Variants in CD58 observed in about 807,000 individuals in gnomAD.
The protein encoded by CD58 is CD58 molecule.
Under a neutral mutation model 27.6 loss-of-function variants are expected in CD58, and 14 were observed. That is an observed-to-expected ratio of 0.51 (90% CI 0.34 to 0.79). CD58 has a LOEUF of 0.79. Ranked by LOEUF, CD58 falls within the 30% of genes least tolerant of loss-of-function variation. The pLI is 0.02. For missense variants in CD58, 268 were observed against 301.7 expected (o/e 0.89, Z 0.83); for synonymous variants, 117 against 103.8 (o/e 1.13, Z -0.77).
chr1:116,540,944 G>C (rs1296140504), intron 2 of CD58, among the ~76,000 whole-genome samples: 1 of 151,988 alleles, frequency 6.6e-6, no homozygotes, highest in Non-Finnish European at 1.5e-5. Flanking sequence ...TGAGTAGCTG[G>C]GACTACAGGC....
Position 116,527,270 on chromosome 1 carries a change from C to T in CD58, c.629-5287G>A, listed in dbSNP as rs1395054712. ...CTTATTCTTGGTCTTAGTTGGAAAG[C>T]TTCAAGTTTCTCACCATTACAGATG... On this transcript the variant is annotated intron_variant, in intron 3 of 5. Transcript: ENST00000369489. This position sits in a 1 kb window ranked among gnomAD's most constrained non-coding sequence, Gnocchi z 4.4. 1.3e-5 allele frequency among the ~76,000 whole-genome samples: 2 copies of T among 152,146 alleles called. No individual in the cohort carries two copies. The highest frequency in any genetic ancestry group is 2.9e-5 in the Non-Finnish European group (2 of 68,016).
chr1:116,558,210 GA>G (rs1658644620), intron 1 of CD58, among the ~76,000 whole-genome samples: 2 of 150,972 alleles, frequency 1.3e-5, no homozygotes, highest in Admixed American at 6.6e-5. Context: ...TTCAGTACCT[GA>G]ATATATGAAT....
chr1:116,533,412 T>C, intron 3 of CD58: 1 of 804,572 alleles, frequency 1.2e-6, no homozygotes, highest in East Asian at 2.5e-5. Flanking sequence ...TGATTTCATC[T>C]TGCAGGTTTT....
chr1:116,555,577 A>AAAT (rs2101211807), intron 1 of CD58, among the ~76,000 whole-genome samples: 1 of 152,380 alleles, frequency 6.6e-6, no homozygotes, highest in Non-Finnish European at 1.5e-5. Context: ...TTTTTTAAAT[A>AAAT]AAGATATGAG....
At chr1:116,565,059 C>T (rs552689885) in intron 1 of CD58, among the ~76,000 whole-genome samples, 1 of 152,310 alleles carries the variant, frequency 6.6e-6, no homozygotes, top group East Asian at 1.9e-4. Flanking sequence ...CCAGTGATTC[C>T]TTTCCTGCAT....
chr1:116,544,183 A>T, intron 2 of CD58, 128 bp downstream of exon 2: 1 of 653,332 alleles, frequency 1.5e-6, no homozygotes, highest in Non-Finnish European at 2.6e-6. Context: ...CCAGAAAAGG[A>T]GAAAACCCTG....
rs1011536296 is a variant in CD58 at position 116,534,633 on chromosome 1, A to G, written c.628+1332T>C. On this transcript the variant is annotated intron_variant, in intron 3 of 5. Transcript: ENST00000369489. The surrounding 1 kb of genome is among the most constrained non-coding windows in gnomAD (Gnocchi z 5.3). ...CTGGGAGGGGCCGCTCCAGGCCCCA[A>G]GCCCCAGGCCCGCCGCGGCGGCGCT... 1.1e-4 allele frequency among the ~76,000 whole-genome samples: 16 copies of G among 152,188 alleles called. No individual in the cohort carries two copies. The highest frequency in any genetic ancestry group is 1.5e-4 in the Non-Finnish European group (10 of 68,006).
rs899218402 is a variant in CD58, at chr1:116,547,529, C to A, written c.71-2925G>T. ...TATTTTTAGTAAAGACGGGGTTTCA[C>A]CATGTTAGCCAGGATGGTCTCGATC... On this transcript the variant is annotated intron_variant, in intron 1 of 5. Transcript: ENST00000369489. Among the ~76,000 whole-genome samples, 101 of 151,912 alleles carry A rather than the reference C, an allele frequency of 6.6e-4. 1 individual carries two copies. Among genetic ancestry groups the A allele is most frequent in the Admixed American group, 1.1e-3 (17 of 15,252 alleles).
intron 1 of CD58, among the ~76,000 whole-genome samples, chr1:116,568,021 C>T (rs1658999792): frequency 7.6e-6 from 1 of 131,546 alleles, no homozygotes; most frequent in East Asian, 2.2e-4. Flanking sequence ...GCAACTAGCC[C>T]AGACACTTCA....
At chr1:116,551,735 TTTC>T (rs1658400614) in intron 1 of CD58, among the ~76,000 whole-genome samples, 1 of 148,884 alleles carries the variant, frequency 6.7e-6, no homozygotes, top group Non-Finnish European at 1.5e-5. Flanking sequence ...TTTTTCTTTC[TTTC>T]TTTTTTTTTT....
Position 116,563,481 on chromosome 1 carries a change from C to G in CD58, c.70+7422G>C, listed in dbSNP as rs1658825477. 6.6e-6 allele frequency among the ~76,000 whole-genome samples: 1 copy of G among 152,170 alleles called. No homozygotes were observed. Among genetic ancestry groups the G allele is most frequent in the African/African-American group, 2.4e-5 (1 of 41,452 alleles). Reference sequence around the variant, plus strand: ...CTCCACATTTCCCTTCCACACTGCCCTAGCAGAGGTTCTCCATGAGGGTCC... The same window carrying G: ...CTCCACATTTCCCTTCCACACTGCCGTAGCAGAGGTTCTCCATGAGGGTCC... On this transcript the variant is annotated intron_variant, in intron 1 of 5. Transcript: ENST00000369489. The surrounding 1 kb of genome is among the most constrained non-coding windows in gnomAD (Gnocchi z 4.1).
At position 116,527,880 on chromosome 1, in the gene CD58, A is replaced by T. The variant is rs1261522230; in HGVS notation, c.629-5897T>A. ...CAGGCTGAAGTGATCCTCCCACCTC[A>T]GTCTCCCAAGTAGCTAGGACTACAG... is the stretch of plus-strand genomic sequence containing the variant. On this transcript the variant is annotated intron_variant, in intron 3 of 5. Transcript: ENST00000369489. The surrounding 1 kb of genome is among the most constrained non-coding windows in gnomAD (Gnocchi z 4.4). Among the ~76,000 whole-genome samples the T allele has an allele frequency of 6.6e-6, 1 of 152,162 alleles. No individual in the cohort carries two copies. Among genetic ancestry groups the T allele is most frequent in the Non-Finnish European group, 1.5e-5 (1 of 68,028 alleles).
rs1658601227 is a variant in CD58, at chr1:116,557,454, C to T, written c.71-12850G>A. Among the ~76,000 whole-genome samples, 1 of 152,082 alleles carries T rather than the reference C, an allele frequency of 6.6e-6. No homozygotes were observed. Among genetic ancestry groups the T allele is most frequent in the Admixed American group, 6.6e-5 (1 of 15,260 alleles). ...CCACAGCTGTCCCTTTTGAGATGTT[C>T]CCTCTCAAGTTTAAGTAGATTTTAC... On this transcript the variant is annotated intron_variant, in intron 1 of 5. Coordinates refer to ENST00000369489, the MANE Select transcript of CD58 (RefSeq NM_001779.3). The surrounding 1 kb of genome is among the most constrained non-coding windows in gnomAD (Gnocchi z 5.2).
In CD58 at chr1:116,527,465, G is replaced by A. The variant is rs939478379; in HGVS notation, c.629-5482C>T. On this transcript the variant is annotated intron_variant, in intron 3 of 5. Coordinates refer to ENST00000369489, the MANE Select transcript of CD58 (RefSeq NM_001779.3). This position sits in a 1 kb window ranked among gnomAD's most constrained non-coding sequence, Gnocchi z 4.4. The stretch of plus-strand genomic sequence containing the variant: ...GATTTTTCTTTCATAGTCTGTCAAT[G>A]TGATGGATTACATTAATTGATTTTC... Among the ~76,000 whole-genome samples the A allele has an allele frequency of 6.6e-6, 1 of 152,182 alleles. No homozygotes were observed. Among genetic ancestry groups the A allele is most frequent in the African/African-American group, 2.4e-5 (1 of 41,446 alleles).
chr1:116,565,833 G>A (rs942014814), intron 1 of CD58, among the ~76,000 whole-genome samples: 5 of 151,264 alleles, frequency 3.3e-5, no homozygotes, highest in Non-Finnish European at 5.9e-5. Flanking sequence ...CCATTCTCCT[G>A]CCTCAGCCTC....
Position 116,560,020 on chromosome 1 carries a change from G to GT in CD58, c.70+10882dup, listed in dbSNP as rs1658705490. 3 of 153,976 alleles carry GT rather than the reference G, an allele frequency of 1.9e-5. No individual in the cohort carries two copies. In the South Asian group the frequency reaches 6.1e-4, roughly 31 times the overall value. 9.5% of individuals were successfully genotyped at this position (153,976 alleles called of 1,614,324 possible). On this transcript the variant is annotated intron_variant, in intron 1 of 5. Coordinates refer to ENST00000369489, the MANE Select transcript of CD58 (RefSeq NM_001779.3). ...AATCTCTTGTTAATATTTTTTTGTA[G>GT]TAACTACTAGGTTAGTGCAAAAGTA... is the stretch of plus-strand genomic sequence containing the variant.
At chr1:116,526,857 TG>T (rs1234250949) in intron 3 of CD58, among the ~76,000 whole-genome samples, 2 of 152,240 alleles carry the variant, frequency 1.3e-5, no homozygotes, top group Admixed American at 1.3e-4. Flanking sequence ...TCTTTGATTT[TG>T]TTCATCAGTT....
rs57305368 is a variant in CD58, at chr1:116,517,073, C to T, written c.743+2158G>A. On this transcript the variant is annotated intron_variant, in intron 5 of 5. Coordinates refer to ENST00000369489, the MANE Select transcript of CD58 (RefSeq NM_001779.3). This position sits in a 1 kb window ranked among gnomAD's most constrained non-coding sequence, Gnocchi z 6.5. ...TTTCCCCGTGGCCCTGGATGATGCCCCCCTACCCCCATCATTGGTAGTGAT... is the reference window on the plus strand; with the variant it reads ...TTTCCCCGTGGCCCTGGATGATGCCTCCCTACCCCCATCATTGGTAGTGAT... Among the ~76,000 whole-genome samples, 199 of 152,208 alleles carry T rather than the reference C, an allele frequency of 1.3e-3. 4 individuals are homozygous for T. In the East Asian group the frequency reaches 0.033, roughly 26 times the overall value.
intron 2 of CD58, among the ~76,000 whole-genome samples, chr1:116,543,811 A>G (rs981993217): frequency 2.0e-5 from 3 of 152,138 alleles, no homozygotes; most frequent in African/African-American, 7.2e-5. Flanking sequence ...AGTCCCAGCT[A>G]CTTGGGAGGC....
Sources: gnomAD v4.1 joint callset for allele counts (sites outside exome capture counted in the v4.1 genomes callset) on GRCh38, gnomAD v4.1.1 for gene constraint, Gnocchi (gnomAD v3.1) non-coding constraint, MANE v1.5 for transcripts, NCBI Gene and HGNC (gene_info 2026-07-23, HGNC 2026-07-21) for gene names.